TBL1XR1: variants seen among roughly 807,000 people sequenced by gnomAD.
The protein encoded by TBL1XR1 is F-box-like/WD repeat-containing protein TBL1XR1.
Under a neutral mutation model 66.9 loss-of-function variants are expected in TBL1XR1, and 5 were observed. The ratio of observed to expected loss-of-function variants is 0.07; its 90% CI spans 0.04 to 0.16. TBL1XR1 has a LOEUF of 0.16. Among genes scored for constraint, TBL1XR1 ranks in the 10% least tolerant of loss-of-function variants. The pLI, the probability that TBL1XR1 is intolerant of heterozygous loss-of-function variation, is 1.00. For missense variants in TBL1XR1, 238 were observed against 623.2 expected, an observed-to-expected ratio of 0.38 and a Z score of 6.58; for synonymous variants, 210 against 206.0, an observed-to-expected ratio of 1.02 and a Z score of -0.17.
chr3:177,132,605 C>A (rs538574162), intron 1 of TBL1XR1, among the ~76,000 whole-genome samples: 3 of 152,020 alleles, frequency 2.0e-5, no homozygotes, highest in South Asian at 4.2e-4. Flanking sequence ...CCGAATGATA[C>A]GATAGTGGAA....
chr3:177,148,711 T>TA (rs1730530347), intron 1 of TBL1XR1, among the ~76,000 whole-genome samples: 1 of 142,582 alleles, frequency 7.0e-6, no homozygotes, highest in Admixed American at 7.2e-5. Context: ...GAGAAAAAAA[T>TA]AAAAATAATA....
intron 3 of TBL1XR1, among the ~76,000 whole-genome samples, chr3:177,057,727 AT>A (rs1435967382): frequency 6.6e-6 from 1 of 152,192 alleles, no homozygotes; most frequent in African/African-American, 2.4e-5. Context: ...CGGCATGACC[AT>A]CTAAAATAGC....
chr3:177,088,379 A>G (rs1210502653), intron 2 of TBL1XR1, among the ~76,000 whole-genome samples: 1 of 152,206 alleles, frequency 6.6e-6, no homozygotes, highest in African/African-American at 2.4e-5. Flanking sequence ...CTATATATAT[A>G]TAAGGAGTAT....
chr3:177,098,797 G>A (rs1664102298), intron 1 of TBL1XR1, among the ~76,000 whole-genome samples: 1 of 152,098 alleles, frequency 6.6e-6, no homozygotes, highest in South Asian at 2.1e-4. Context: ...CTGCACACAA[G>A]TGGTCTCACC....
intron 1 of TBL1XR1, among the ~76,000 whole-genome samples, chr3:177,104,344 A>T (rs905564833): frequency 6.6e-6 from 1 of 152,190 alleles, no homozygotes; most frequent in African/African-American, 2.4e-5. Flanking sequence ...TTTCAACTGA[A>T]TCTTCTTAAT....
intron 1 of TBL1XR1, among the ~76,000 whole-genome samples, chr3:177,106,580 A>AG (rs1185116342): frequency 6.6e-6 from 1 of 152,256 alleles, no homozygotes; most frequent in African/African-American, 2.4e-5. Flanking sequence ...CTTAGTAACT[A>AG]GATAACCTCT....
chr3:177,138,786 ATT>A (rs1729292802), intron 1 of TBL1XR1, among the ~76,000 whole-genome samples: 1 of 152,006 alleles, frequency 6.6e-6, no homozygotes, highest in Admixed American at 6.6e-5. Flanking sequence ...ATCTCTCACC[ATT>A]TGAGTGAAAT....
At chr3:177,061,956 A>T (rs1718570577) in intron 3 of TBL1XR1, among the ~76,000 whole-genome samples, 1 of 152,230 alleles carries the variant, frequency 6.6e-6, no homozygotes, top group African/African-American at 2.4e-5. Context: ...ATCTAAAGCT[A>T]CTATGGGCAT....
intron 1 of TBL1XR1, among the ~76,000 whole-genome samples, chr3:177,135,342 T>TAC (rs1462861777): frequency 0.014 from 172 of 12,734 alleles, 1 homozygote; most frequent in Non-Finnish European, 0.02. Flanking sequence ...TGTATACATA[T>TAC]ATATATATAT....
chr3:177,178,810 T>G (rs1266881701), intron 1 of TBL1XR1, among the ~76,000 whole-genome samples: 1 of 152,064 alleles, frequency 6.6e-6, no homozygotes, highest in African/African-American at 2.4e-5. Context: ...CTGCTGTGGT[T>G]TCTTTTCTTT....
intron 2 of TBL1XR1, among the ~76,000 whole-genome samples, chr3:177,082,356 T>A (rs1721500572): frequency 7.2e-5 from 11 of 151,884 alleles, no homozygotes. Flanking sequence ...AATTTAAAAT[T>A]GAGGTACTTC....
At chr3:177,063,360 T>A (rs1438482481) in intron 3 of TBL1XR1, among the ~76,000 whole-genome samples, 2 of 152,224 alleles carry the variant, frequency 1.3e-5, no homozygotes, top group East Asian at 3.8e-4. Flanking sequence ...TAATTTTATA[T>A]GGCTCAACCT....
intron 2 of TBL1XR1, among the ~76,000 whole-genome samples, chr3:177,083,002 T>A (rs1411847270): frequency 6.6e-6 from 1 of 151,518 alleles, no homozygotes; most frequent in Non-Finnish European, 1.5e-5. Context: ...TCGTGATCCA[T>A]CCGTCTCGGC....
chr3:177,166,433 G>A (rs1230041094), intron 1 of TBL1XR1, among the ~76,000 whole-genome samples: 4 of 152,162 alleles, frequency 2.6e-5, no homozygotes, highest in African/African-American at 4.8e-5. Context: ...TTGGCTTTGT[G>A]TTCCCATTCA....
chr3:177,070,910 T>G (rs1344666813), intron 2 of TBL1XR1, among the ~76,000 whole-genome samples: 3 of 152,080 alleles, frequency 2.0e-5, no homozygotes, highest in African/African-American at 4.8e-5. Flanking sequence ...TCTGTCTGAC[T>G]AGCATAAAAT....
intron 4 of TBL1XR1, among the ~76,000 whole-genome samples, chr3:177,053,172 G>A (rs1457032262): frequency 6.6e-6 from 1 of 152,146 alleles, no homozygotes; most frequent in East Asian, 1.9e-4. Context: ...ACCTTTTTCT[G>A]TAAAAGAGTA....
In TBL1XR1 at chr3:177,020,996, T is replaced by A. The variant is rs1369681190; in HGVS notation, c.*4502A>T. On this transcript the variant is annotated 3_prime_UTR_variant, in exon 16 of 16. Transcript: ENST00000457928. ...ATCAGTCTTCCTTACACAATAATCA[T>A]GAAAACTGAACAATGAAGTTCTTTA... The A allele has an allele frequency of 6.6e-6, 1 of 152,140 alleles. No homozygotes were observed. The highest frequency in any genetic ancestry group is 1.5e-5 in the Non-Finnish European group (1 of 67,984). 9.4% of individuals were successfully genotyped at this position (152,140 alleles called of 1,614,324 possible).
chr3:177,021,968 A>G lies in TBL1XR1; in HGVS notation c.*3530T>C, dbSNP rs576263622. On this transcript the variant is annotated 3_prime_UTR_variant, in exon 16 of 16. Transcript: ENST00000457928. ...CATTTTTGCTCACTTAAGTATGATC[A>G]TTTGTGATTCCTTTAAATAGCAAAA... is the stretch of plus-strand genomic sequence containing the variant. The G allele has an allele frequency of 6.5e-6, 1 of 152,690 alleles. No homozygotes were observed. Among genetic ancestry groups the G allele is most frequent in the East Asian group, 1.9e-4 (1 of 5,186 alleles). 9.5% of individuals were successfully genotyped at this position (152,690 alleles called of 1,614,324 possible).
intron 1 of TBL1XR1, among the ~76,000 whole-genome samples, chr3:177,193,770 G>A (rs1002806156): frequency 6.6e-6 from 1 of 152,060 alleles, no homozygotes; most frequent in African/African-American, 2.4e-5. Context: ...TGATCTACAC[G>A]GATCAAGACT....
Sources: gnomAD v4.1 joint callset for allele counts (sites outside exome capture counted in the v4.1 genomes callset) on GRCh38, gnomAD v4.1.1 for gene constraint, MANE v1.5 for transcripts, NCBI Gene and HGNC (gene_info 2026-07-23, HGNC 2026-07-21) for gene names.